Variants in PDE10A observed in about 807,000 individuals in gnomAD.
PDE10A encodes the protein cAMP and cAMP-inhibited cGMP 3',5'-cyclic phosphodiesterase 10A.
A neutral mutation model predicts 97.7 loss-of-function variants in PDE10A; 39 were observed. The observed-to-expected ratio is 0.40, with a 90% confidence interval of 0.31 to 0.52. The LOEUF is 0.52. PDE10A is among the 20% of genes least tolerant of loss of function. The pLI is 0.56. For synonymous variants in PDE10A, 371 were observed against 376.8 expected (o/e 0.98, Z 0.18); for missense variants, 731 against 1,047.8 (o/e 0.70, Z 4.17).
intron 2 of PDE10A, among the ~76,000 whole-genome samples, chr6:165,542,933 T>C (rs1049530266): frequency 1.3e-5 from 2 of 152,122 alleles, no homozygotes; most frequent in Admixed American, 1.3e-4. Context: ...ACTTGTTCTT[T>C]TACTGAAAGT....
chr6:165,878,343 G>A (rs1454836947), intron 1 of PDE10A, among the ~76,000 whole-genome samples: 7 of 152,176 alleles, frequency 4.6e-5, no homozygotes, highest in African/African-American at 2.4e-5. Flanking sequence ...AAGAGGAAGC[G>A]TTAAGTTGCC....
At chr6:165,926,126 G>GTTT (rs1782927673) in intron 1 of PDE10A, among the ~76,000 whole-genome samples, 1 of 152,230 alleles carries the variant, frequency 6.6e-6, no homozygotes, top group South Asian at 2.1e-4. Flanking sequence ...TTTTCCAGCT[G>GTTT]TTTTCTGCCT....
At chr6:165,556,196 G>A (rs1321917855) in intron 1 of PDE10A, among the ~76,000 whole-genome samples, 1 of 152,196 alleles carries the variant, frequency 6.6e-6, no homozygotes, top group Non-Finnish European at 1.5e-5. Flanking sequence ...GGGGGGGTCA[G>A]TACCTCTAAT....
chr6:165,392,664 C>G lies in PDE10A; in HGVS notation c.2436G>C (p.Thr812=). Residue 812 remains threonine (T), a synonymous_variant, in exon 16 of 22, where the codon ACG becomes ACC. Transcript: ENST00000539869. ...CACCCACCTCAAGGTCTGTGAAAAG[C>G]GTGTGATTGTTCTGAAGTATGGCAT... ...CMYAILQNNH[T]LFTDLERKGL... 6.2e-7 allele frequency: 1 copy of G among 1,613,838 alleles called. No homozygotes were observed. The highest frequency in any genetic ancestry group is 8.5e-7 in the Non-Finnish European group (1 of 1,179,804).
intron 1 of PDE10A, among the ~76,000 whole-genome samples, chr6:165,767,141 GT>G (rs1777875163): frequency 6.6e-6 from 1 of 151,998 alleles, no homozygotes; most frequent in African/African-American, 2.4e-5. Context: ...TCAGATTTTT[GT>G]TTTTTGCTTT....
chr6:165,982,479 A>T (rs974182593), intron 1 of PDE10A, among the ~76,000 whole-genome samples: 22 of 152,228 alleles, frequency 1.4e-4, no homozygotes, highest in African/African-American at 4.8e-4. Flanking sequence ...AGATAGTCCA[A>T]TTAGGGTGAC....
chr6:165,428,079 G>T (rs1455760823), intron 10 of PDE10A, among the ~76,000 whole-genome samples: 1 of 152,034 alleles, frequency 6.6e-6, no homozygotes, highest in Non-Finnish European at 1.5e-5. Context: ...GAGTACTGTA[G>T]AAAGAACATT....
intron 1 of PDE10A, among the ~76,000 whole-genome samples, chr6:165,619,514 CTAGTGTAGTG>C (rs200495083): frequency 6.7e-5 from 1 of 14,880 alleles, no homozygotes; most frequent in African/African-American, 4.0e-4. Context: ...GTAGTGTAGT[CTAGTGTAGTG>C]TAGTGTAGTC....
At chr6:165,937,576 G>T (rs1360680914) in intron 1 of PDE10A, among the ~76,000 whole-genome samples, 2 of 152,198 alleles carry the variant, frequency 1.3e-5, no homozygotes, top group African/African-American at 4.8e-5. Flanking sequence ...GTTGGTACAT[G>T]TCTTGACATC....
chr6:165,632,936 C>T (rs560869658), intron 1 of PDE10A, among the ~76,000 whole-genome samples: 12 of 152,210 alleles, frequency 7.9e-5, no homozygotes, highest in South Asian at 6.2e-4. Flanking sequence ...ATTCACAAGG[C>T]GTCCCTCCCA....
At position 165,915,971 on chromosome 6, in the gene PDE10A, A is replaced by T. The variant is rs562491710; in HGVS notation, c.-615+71558T>A. ...TGAATCCACCAGAAAAGGAACTTTGATATGGAGGTATCCCTCAAAATACTA... is the reference window on the plus strand; with the variant it reads ...TGAATCCACCAGAAAAGGAACTTTGTTATGGAGGTATCCCTCAAAATACTA... On this transcript the variant is annotated intron_variant, in intron 1 of 19. Coordinates refer to the PDE10A transcript ENST00000366882. Among the ~76,000 whole-genome samples, 4 of 152,366 alleles carry T rather than the reference A, an allele frequency of 2.6e-5. No homozygotes were observed. In the East Asian group the frequency reaches 7.7e-4, roughly 29 times the overall value.
intron 1 of PDE10A, among the ~76,000 whole-genome samples, chr6:165,944,465 C>T (rs1783693462): frequency 6.6e-6 from 1 of 152,200 alleles, no homozygotes; most frequent in Non-Finnish European, 1.5e-5. Context: ...TACAAGCAAA[C>T]TTCAGGTCTT....
At chr6:165,365,576 A>G (rs1399837853) in intron 18 of PDE10A, among the ~76,000 whole-genome samples, 1 of 152,110 alleles carries the variant, frequency 6.6e-6, no homozygotes, top group Non-Finnish European at 1.5e-5. Context: ...GCCAGGCATG[A>G]TGGTGTTTGC....
chr6:165,525,351 G>T (rs560051957), intron 2 of PDE10A, among the ~76,000 whole-genome samples: 1 of 152,010 alleles, frequency 6.6e-6, no homozygotes, highest in African/African-American at 2.4e-5. Context: ...GTTGCAGCTC[G>T]GGGAGTTAAA....
At chr6:165,351,522 C>T (rs940789738) in intron 18 of PDE10A, among the ~76,000 whole-genome samples, 1 of 152,154 alleles carries the variant, frequency 6.6e-6, no homozygotes, top group Non-Finnish European at 1.5e-5. Context: ...AAATTACTTG[C>T]TATTTTGGAT....
At chr6:165,713,537 G>A (rs941425489) in intron 1 of PDE10A, among the ~76,000 whole-genome samples, 3 of 152,244 alleles carry the variant, frequency 2.0e-5, no homozygotes, top group Non-Finnish European at 4.4e-5. Context: ...GAGCTGGCCT[G>A]TGTGCGTGGC....
chr6:165,399,018 G>A (rs997190648), intron 13 of PDE10A, among the ~76,000 whole-genome samples: 4 of 152,016 alleles, frequency 2.6e-5, no homozygotes, highest in Admixed American at 1.3e-4. Context: ...AGAAAGTTAC[G>A]ACTTTATTAA....
intron 2 of PDE10A, among the ~76,000 whole-genome samples, chr6:165,536,402 A>G (rs1367862099): frequency 6.6e-6 from 1 of 152,070 alleles, no homozygotes; most frequent in African/African-American, 2.4e-5. Flanking sequence ...TGGTCTGGAC[A>G]AAGATTTTTT....
chr6:165,510,651 GT>G (rs1781455257), intron 2 of PDE10A, among the ~76,000 whole-genome samples: 1 of 151,966 alleles, frequency 6.6e-6, no homozygotes, highest in Non-Finnish European at 1.5e-5. Context: ...AATCTACTGG[GT>G]CCTGAGCTTT....
Sources: gnomAD v4.1 joint callset for allele counts (sites outside exome capture counted in the v4.1 genomes callset) on GRCh38, gnomAD v4.1.1 for gene constraint, MANE v1.5 for transcripts, NCBI Gene and HGNC (gene_info 2026-07-23, HGNC 2026-07-21) for gene names.